DOP1B: variants seen among roughly 807,000 people sequenced by gnomAD.
The protein encoded by DOP1B is DOP1 leucine zipper like protein B.
In DOP1B, 174 loss-of-function variants were observed where a neutral mutation model predicts 233.5. The ratio of observed to expected loss-of-function variants is 0.75; its 90% CI spans 0.66 to 0.85. The LOEUF (loss-of-function observed/expected upper bound fraction) is 0.85, where lower values mean the gene tolerates loss of function less well. Ranked by LOEUF, DOP1B falls within the 40% of genes least tolerant of loss-of-function variation. The pLI, the probability that DOP1B is intolerant of heterozygous loss-of-function variation, is 0.00. For synonymous variants in DOP1B, 1,190 were observed against 1,185.6 expected (o/e 1.00, Z -0.08); for missense variants, 2,652 against 2,846.6 (o/e 0.93, Z 1.56).
rs773774489 is a variant in DOP1B, at chr21:36,245,103, A to G, written c.3123A>G (p.Ala1041=). The G allele has an allele frequency of 5.6e-6, 9 of 1,612,484 alleles. No individual in the cohort carries two copies. The highest frequency in any genetic ancestry group is 2.2e-5 in the South Asian group (2 of 91,074). ...AAACCTCTTTCAGAGAGGCATGCGC[A>G]GTGCCCGAGCCTCAGGAGAGCGGCT... ...RKKTSFREAC[A]VPEPQESGSE... The change falls in exon 19 of 37, where the codon GCA becomes GCG. Residue 1041 remains alanine, a synonymous_variant. Coordinates refer to ENST00000691173, the MANE Select transcript of DOP1B (RefSeq NM_001320714.2). The surrounding 1 kb of genome is among the most constrained non-coding windows in gnomAD (Gnocchi z 5.5).
chr21:36,176,975 C>T (rs1451189323), intron 2 of DOP1B, among the ~76,000 whole-genome samples: 1 of 152,166 alleles, frequency 6.6e-6, no homozygotes, highest in Non-Finnish European at 1.5e-5. Context: ...TGCGCCACCA[C>T]ACCTGGCTAA....
In DOP1B at chr21:36,253,648, A is replaced by AC. The variant is rs558464767; in HGVS notation, c.5122-124_5122-123insC. Reference sequence around the variant, plus strand: ...GTGAGACCGTGTTTCAAAAAAAAAAAAAAAGAGATGAAAACAGATTGATTT... The same window carrying AC: ...GTGAGACCGTGTTTCAAAAAAAAAAACAAAAGAGATGAAAACAGATTGATTT... On this transcript the variant is annotated intron_variant, in intron 22 of 36. Coordinates refer to ENST00000691173, the MANE Select transcript of DOP1B (RefSeq NM_001320714.2). The AC allele has an allele frequency of 1.6e-3, 1,984 of 1,205,810 alleles. 5 individuals carry two copies. Among genetic ancestry groups the AC allele is most frequent in the Middle Eastern group, 7.6e-3 (32 of 4,204 alleles). 74.7% of individuals were successfully genotyped at this position (1,205,810 alleles called of 1,614,324 possible). A position where few individuals can be genotyped will look rare whatever the true frequency, so the allele number is the denominator to read the frequency against.
rs533623119 is a variant in DOP1B, at chr21:36,180,572, C to T, written c.138+15701C>T. On this transcript the variant is annotated intron_variant, in intron 2 of 36. Transcript: ENST00000691173. The stretch of plus-strand genomic sequence containing the variant: ...CTCCAGCCTGGGCAAGAGTGAAACT[C>T]GGTCTCAAAAAAAGAAAAAAAATTG... 6.9e-4 allele frequency among the ~76,000 whole-genome samples: 90 copies of T among 130,160 alleles called. 1 individual carries two copies. Among genetic ancestry groups the T allele is most frequent in the Non-Finnish European group, 1.2e-3 (75 of 61,534 alleles). The allele number at this position is 130,160 out of a possible 152,430, so 85.4% of individuals were successfully genotyped here.
At chr21:36,214,808 T>G (rs2066541687) in intron 9 of DOP1B, among the ~76,000 whole-genome samples, 1 of 152,158 alleles carries the variant, frequency 6.6e-6, no homozygotes, top group Non-Finnish European at 1.5e-5. Flanking sequence ...GAAGATCACT[T>G]GAGCTCATGG....
At chr21:36,219,316 T>TA in intron 9 of DOP1B, 56 bp from the exon 10 acceptor site, 3 of 1,609,434 alleles carry the variant, frequency 1.9e-6, no homozygotes, top group Non-Finnish European at 2.5e-6. Context: ...ATATGTCACT[T>TA]ACTGATTTAA....
At chr21:36,168,938 G>T in intron 2 of DOP1B, 3 of 606,900 alleles carry the variant, frequency 4.9e-6, no homozygotes, top group Non-Finnish European at 8.9e-6. Flanking sequence ...CTTTTATTGA[G>T]ACCCCACCAG....
In DOP1B at chr21:36,293,377, C is replaced by T. The variant is rs368780975; in HGVS notation, c.6703C>T (p.His2235Tyr). The T allele has an allele frequency of 1.8e-5, 29 of 1,614,074 alleles. No individual in the cohort carries two copies. Among genetic ancestry groups the T allele is most frequent in the Non-Finnish European group, 2.2e-5 (26 of 1,180,054 alleles). The part of the protein sequence containing the change: ...MKSEFPLLRQ[H>Y]SVSSIRQLMP... ...GAGTGAATTCCCGCTTCTGCGCCAA[C>T]ATTCTGTTTCCAGCATCAGGCAGTT... Residue 2235 changes from histidine (H) to tyrosine (Y), a missense_variant, in exon 37 of 37, where the codon CAT becomes TAT. Coordinates refer to ENST00000691173, the MANE Select transcript of DOP1B (RefSeq NM_001320714.2).
chr21:36,237,421 C>CT lies in DOP1B; in HGVS notation c.2775+10dup. 1 of 1,613,682 alleles carries CT rather than the reference C, an allele frequency of 6.2e-7. No individual in the cohort carries two copies. Among genetic ancestry groups the CT allele is most frequent in the Non-Finnish European group, 8.5e-7 (1 of 1,179,988 alleles). Reference sequence around the variant, plus strand: ...CCTCCTGGACCCTGACAAGGTGAGCCTTTCTGGCCGCCACCTCCATCCTGC... The same window carrying CT: ...CCTCCTGGACCCTGACAAGGTGAGCCTTTTCTGGCCGCCACCTCCATCCTGC... On this transcript the variant is annotated splice_region_variant and intron_variant, in intron 16 of 36. Transcript: ENST00000691173.
At chr21:36,231,192 G>A (rs138155916) in intron 14 of DOP1B, 58 bp downstream of exon 14, 47 of 1,522,262 alleles carry the variant, frequency 3.1e-5, no homozygotes, top group Non-Finnish European at 4.0e-5. Context: ...GGCGATTGAC[G>A]TGGGTGGAAT....
intron 23 of DOP1B, among the ~76,000 whole-genome samples, chr21:36,254,224 G>T (rs766785168): frequency 7.9e-5 from 12 of 152,178 alleles, no homozygotes; most frequent in Non-Finnish European, 1.2e-4. Context: ...TTTAGAAAGA[G>T]GAAATGGCAC....
At chr21:36,163,128 C>T (rs987734590) in intron 1 of DOP1B, among the ~76,000 whole-genome samples, 7 of 151,936 alleles carry the variant, frequency 4.6e-5, no homozygotes, top group Non-Finnish European at 7.4e-5. Context: ...GGGCAGATCA[C>T]GAGGTCAGGA....
At chr21:36,267,509 C>T (rs1172876505) in intron 26 of DOP1B, among the ~76,000 whole-genome samples, 2 of 152,074 alleles carry the variant, frequency 1.3e-5, no homozygotes, top group Admixed American at 6.6e-5. Context: ...CATAGGGAGA[C>T]CCCATCTCTA....
rs1465477355 is a variant in DOP1B, at chr21:36,246,900, T to C, written c.4697+223T>C. ...TATGTTATGTTATGTTATGTTATTT[T>C]TGAGACAGAGTCTCTGTCACCCAGG... On this transcript the variant is annotated intron_variant, in intron 19 of 36. Transcript: ENST00000691173. This position sits in a 1 kb window ranked among gnomAD's most constrained non-coding sequence, Gnocchi z 5.1. Among the ~76,000 whole-genome samples, 1 of 151,658 alleles carries C rather than the reference T, an allele frequency of 6.6e-6. No individual in the cohort carries two copies. The highest frequency in any genetic ancestry group is 1.5e-5 in the Non-Finnish European group (1 of 67,998).
chr21:36,228,432 C>T (rs552892706), intron 13 of DOP1B, among the ~76,000 whole-genome samples: 6 of 151,408 alleles, frequency 4.0e-5, no homozygotes, highest in Non-Finnish European at 1.5e-5. Context: ...TGCACTTAAG[C>T]CTGGGCAACA....
chr21:36,240,053 T>C, intron 18 of DOP1B, 98 bp downstream of exon 18: 1 of 1,337,610 alleles, frequency 7.5e-7, no homozygotes, highest in African/African-American at 1.5e-5. Context: ...ACTAGGGGGT[T>C]TTGTTAGATG....
chr21:36,157,179 C>T (rs1462380231), intron 1 of DOP1B, among the ~76,000 whole-genome samples: 2 of 152,010 alleles, frequency 1.3e-5, no homozygotes, highest in African/African-American at 2.4e-5. Flanking sequence ...GGGAGGGCAG[C>T]GGGGAGACTG....
intron 2 of DOP1B, among the ~76,000 whole-genome samples, chr21:36,187,187 T>A (rs2066174122): frequency 6.7e-6 from 1 of 150,016 alleles, no homozygotes; most frequent in African/African-American, 2.5e-5. Flanking sequence ...CTGGCTGTCC[T>A]GCCCCTCCCC....
rs557055679 is a variant in DOP1B at position 36,231,001 on chromosome 21, G to T, written c.2217G>T (p.Leu739=). ...EWDVEKVVID[L]GGSREERREA... is the part of the protein sequence containing the mutation. ...ATGTTGAGAAGGTGGTCATTGACCT[G>T]GGGGGTTCCAGGGAGGAACGCAGGG... is the stretch of plus-strand genomic sequence containing the variant. The change falls in exon 14 of 37, where the codon CTG becomes CTT. Residue 739 remains leucine (L), a synonymous_variant. Coordinates refer to ENST00000691173, the MANE Select transcript of DOP1B (RefSeq NM_001320714.2). 6.2e-7 allele frequency: 1 copy of T among 1,614,122 alleles called. No individual in the cohort carries two copies. The highest frequency in any genetic ancestry group is 8.5e-7 in the Non-Finnish European group (1 of 1,180,032).
At chr21:36,248,309 C>T in intron 20 of DOP1B, 71 bp from the exon 21 acceptor site, 4 of 1,542,916 alleles carry the variant, frequency 2.6e-6, no homozygotes, top group South Asian at 2.4e-5. Flanking sequence ...CCCGCTAGCA[C>T]TGCTGCCCTC....
Sources: gnomAD v4.1 joint callset for allele counts (sites outside exome capture counted in the v4.1 genomes callset) on GRCh38, gnomAD v4.1.1 for gene constraint, Gnocchi (gnomAD v3.1) non-coding constraint, MANE v1.5 for transcripts, NCBI Gene and HGNC (gene_info 2026-07-23, HGNC 2026-07-21) for gene names.